Variants in LRRK1 observed in about 807,000 individuals in gnomAD.
LRRK1 encodes the protein leucine-rich repeat serine/threonine-protein kinase 1.
A neutral mutation model predicts 209.1 loss-of-function variants in LRRK1; 113 were observed. The ratio of observed to expected loss-of-function variants is 0.54; its 90% CI spans 0.46 to 0.63. The LOEUF (loss-of-function observed/expected upper bound fraction) is 0.63. Among genes scored for constraint, LRRK1 ranks in the 30% least tolerant of loss-of-function variants. The pLI is 0.00. For synonymous variants in LRRK1, 1,144 were observed against 1,099.7 expected (o/e 1.04, Z -0.80); for missense variants, 2,284 against 2,632.2 (o/e 0.87, Z 2.89).
chr15:101,040,363 A>G (rs2034691518), intron 20 of LRRK1, among the ~76,000 whole-genome samples: 1 of 152,058 alleles, frequency 6.6e-6, no homozygotes, highest in Non-Finnish European at 1.5e-5. Flanking sequence ...TGGAATGTGT[A>G]GTGATATGCT....
rs184850669 is a variant in LRRK1 at position 101,063,447 on chromosome 15, T to C, written c.4914+757T>C. On this transcript the variant is annotated intron_variant, in intron 31 of 33. Coordinates refer to ENST00000388948, the MANE Select transcript of LRRK1 (RefSeq NM_024652.6). Reference sequence around the variant, plus strand: ...ATTCAGTTCTCAAGACCCGGGGCCTTGTCCCCTCCTTTGAGAAGCTGCCCC... The same window carrying C: ...ATTCAGTTCTCAAGACCCGGGGCCTCGTCCCCTCCTTTGAGAAGCTGCCCC... Among the ~76,000 whole-genome samples the C allele has an allele frequency of 2.6e-4, 39 of 152,330 alleles. 1 individual carries two copies. The highest frequency in any genetic ancestry group is 2.1e-3 in the East Asian group (11 of 5,176).
intron 12 of LRRK1, among the ~76,000 whole-genome samples, chr15:101,018,126 A>G (rs982654616): frequency 2.6e-5 from 4 of 151,770 alleles, no homozygotes; most frequent in Admixed American, 6.6e-5. Context: ...AAATTGTTGC[A>G]ACACAAATTG....
intron 10 of LRRK1, among the ~76,000 whole-genome samples, chr15:101,012,513 G>C (rs958034039): frequency 3.3e-5 from 5 of 152,204 alleles, no homozygotes; most frequent in Non-Finnish European, 4.4e-5. Flanking sequence ...GTTGTTTTAG[G>C]TGGTTGGCGG....
intron 20 of LRRK1, chr15:101,043,786 A>G (rs2034898647): frequency 6.6e-6 from 1 of 152,256 alleles, no homozygotes; most frequent in Non-Finnish European, 1.5e-5. Context: ...CATAAGTATG[A>G]TAGTTGTTGT....
intron 20 of LRRK1, among the ~76,000 whole-genome samples, chr15:101,034,712 G>A (rs1043496603): frequency 7.2e-5 from 11 of 151,950 alleles, no homozygotes; most frequent in Non-Finnish European, 1.3e-4. Context: ...TGTTCTTTTT[G>A]CTCAGGATTG....
At chr15:100,937,116 T>G (rs1470942034) in intron 2 of LRRK1, among the ~76,000 whole-genome samples, 1 of 152,218 alleles carries the variant, frequency 6.6e-6, no homozygotes, top group East Asian at 1.9e-4. Context: ...CTTGAGTTAT[T>G]TTATGCAATA....
chr15:101,065,056 G>C, intron 31 of LRRK1: 1 of 447,578 alleles, frequency 2.2e-6, no homozygotes. Context: ...GGCAGAAGCA[G>C]AGGCAGCCCA....
At chr15:101,026,769 CT>C (rs1440298489) in intron 17 of LRRK1, among the ~76,000 whole-genome samples, 1 of 152,238 alleles carries the variant, frequency 6.6e-6, no homozygotes, top group East Asian at 1.9e-4. Flanking sequence ...ATTATCTGCA[CT>C]GATGGCTCTC....
At chr15:100,975,766 T>G (rs1325554523) in intron 3 of LRRK1, among the ~76,000 whole-genome samples, 1 of 152,142 alleles carries the variant, frequency 6.6e-6, no homozygotes, top group Non-Finnish European at 1.5e-5. Flanking sequence ...ATAACATAAT[T>G]TTCAAAAGGG....
At chr15:100,961,469 A>G (rs1158862481) in intron 2 of LRRK1, among the ~76,000 whole-genome samples, 1 of 152,120 alleles carries the variant, frequency 6.6e-6, no homozygotes, top group Non-Finnish European at 1.5e-5. Flanking sequence ...ACTGGCCAAC[A>G]TGGTGAAACC....
Position 100,975,426 on chromosome 15 carries a change from A to T in LRRK1, c.261+1459A>T, listed in dbSNP as rs1376578105. Among the ~76,000 whole-genome samples, 12 of 152,244 alleles carry T rather than the reference A, an allele frequency of 7.9e-5. 1 individual carries two copies. Among genetic ancestry groups the T allele is most frequent in the Non-Finnish European group, 1.8e-4 (12 of 68,036 alleles). The stretch of plus-strand genomic sequence containing the variant: ...AAAGGCAGTGGCATCATAATTTGGC[A>T]AAGAGCACTCTGGCCCATATTTGAA... On this transcript the variant is annotated intron_variant, in intron 3 of 33. Transcript: ENST00000388948.
Position 101,027,330 on chromosome 15 carries a change from CA to C in LRRK1, c.2476del (p.Met826Ter), listed in dbSNP as rs1301678412. On this transcript the variant is annotated frameshift_variant, in exon 18 of 34. Coordinates refer to ENST00000388948, the MANE Select transcript of LRRK1 (RefSeq NM_024652.6). LOFTEE classifies it high-confidence loss of function. This position sits in a 1 kb window ranked among gnomAD's most constrained non-coding sequence, Gnocchi z 5.1. ...RQLIFHVTCS[M>X]KDVGSTIGCQ... Reference sequence around the variant, plus strand: ...AGCTGATTTTCCACGTCACGTGCAGCATGAAGGACGTGGGCAGCACCATCGG... The same window carrying C: ...AGCTGATTTTCCACGTCACGTGCAGCTGAAGGACGTGGGCAGCACCATCGG... 1.4e-5 allele frequency: 22 copies of C among 1,614,016 alleles called. No individual in the cohort carries two copies. The highest frequency in any genetic ancestry group is 1.8e-5 in the Non-Finnish European group (21 of 1,180,034).
rs1347163852 is a variant in LRRK1 at position 101,058,069 on chromosome 15, A to C, written c.4607A>C (p.Lys1536Thr). The change falls in exon 29 of 34, where the codon AAG becomes ACG. Residue 1536 changes from lysine (K) to threonine (T), a missense_variant. Transcript: ENST00000388948. ...ATFMYELCCG[K>T]QTAFFSSQGQ... is the part of the protein sequence containing the mutation. ...TTCATGTATGAACTGTGCTGTGGGA[A>C]GCAGACAGCCTTCTTCTCATCCCAG... The C allele has an allele frequency of 6.2e-7, 1 of 1,614,088 alleles. No homozygotes were observed. Among genetic ancestry groups the C allele is most frequent in the Non-Finnish European group, 8.5e-7 (1 of 1,180,036 alleles).
At position 100,974,181 on chromosome 15, in the gene LRRK1, A is replaced by C. The variant is rs575722482; in HGVS notation, c.261+214A>C. 5 of 402,478 alleles carry C rather than the reference A, an allele frequency of 1.2e-5. No individual in the cohort carries two copies. The Admixed American group carries it at 1.3e-4, about 11-fold the overall frequency. 24.9% of individuals were successfully genotyped at this position (402,478 alleles called of 1,614,324 possible). ...CTAAGCAGGCCCCTGCCACCTTTTC[A>C]TGGGAGGCCTTTGAGGGACGGGGGT... On this transcript the variant is annotated intron_variant, in intron 3 of 33. Coordinates refer to ENST00000388948, the MANE Select transcript of LRRK1 (RefSeq NM_024652.6).
chr15:101,074,931 C>G lies in LRRK1; in HGVS notation c.*6083C>G, dbSNP rs1458218699. On this transcript the variant is annotated 3_prime_UTR_variant, in exon 34 of 34. Transcript: ENST00000388948. ...CGGACTGTCCAACTCACCTGGCAGC[C>G]ACTCCCAGAGCCCCTGGAACTCCGG... 1 of 150,622 alleles carries G rather than the reference C, an allele frequency of 6.6e-6. No individual in the cohort carries two copies. Among genetic ancestry groups the G allele is most frequent in the East Asian group, 1.9e-4 (1 of 5,140 alleles). The allele number at this position is 150,622 out of a possible 1,614,324, so 9.3% of individuals were successfully genotyped here.
rs1437819377 is a variant in LRRK1, at chr15:101,070,749, C to T, written c.*1901C>T. ...TGGAGGTTACAGTGAGCTATGATCA[C>T]ACCAGCTTTCTAGCCTGGGTGACAG... On this transcript the variant is annotated 3_prime_UTR_variant, in exon 34 of 34. Transcript: ENST00000388948. 2 of 150,506 alleles carry T rather than the reference C, an allele frequency of 1.3e-5. No homozygotes were observed. Among genetic ancestry groups the T allele is most frequent in the Admixed American group, 6.6e-5 (1 of 15,104 alleles). 9.3% of individuals were successfully genotyped at this position (150,506 alleles called of 1,614,324 possible).
intron 2 of LRRK1, among the ~76,000 whole-genome samples, chr15:100,934,502 A>G (rs540695060): frequency 1.3e-5 from 2 of 152,176 alleles, no homozygotes; most frequent in East Asian, 3.9e-4. Flanking sequence ...ACAGCAAAGA[A>G]CAAGAGAGCT....
intron 16 of LRRK1, 47 bp from the exon 17 acceptor site, chr15:101,025,918 G>T: frequency 6.2e-7 from 1 of 1,605,670 alleles, no homozygotes; most frequent in Non-Finnish European, 8.5e-7. Flanking sequence ...CCTGTCCCTT[G>T]TTCCATGAAC....
intron 6 of LRRK1, among the ~76,000 whole-genome samples, chr15:100,990,333 A>G (rs7163222): frequency 0.053 from 8,059 of 152,090 alleles, 504 homozygotes; most frequent in African/African-American, 0.15. Context: ...GACATTTGAA[A>G]TAGTTCTTTT....
Sources: gnomAD v4.1 joint callset for allele counts (sites outside exome capture counted in the v4.1 genomes callset) on GRCh38, gnomAD v4.1.1 for gene constraint, Gnocchi (gnomAD v3.1) non-coding constraint, MANE v1.5 for transcripts, NCBI Gene and HGNC (gene_info 2026-07-23, HGNC 2026-07-21) for gene names.